The following SENP3 variants were observed in gnomAD, a reference collection of about 807,000 sequenced individuals.
The protein encoded by SENP3 is SUMO specific peptidase 3, also known as sentrin-specific protease 3.
In SENP3, 11 loss-of-function variants were observed where a neutral mutation model predicts 66.2. The observed-to-expected ratio is 0.17, with a 90% CI of 0.10 to 0.28. The LOEUF is 0.28. SENP3 is among the 10% of genes least tolerant of loss of function. The pLI is 1.00. For synonymous variants in SENP3, 292 were observed against 277.6 expected (o/e 1.05, Z -0.52); for missense variants, 548 against 743.7 (o/e 0.74, Z 3.06).
intron 4 of SENP3, 113 bp from the exon 5 acceptor site, chr17:7,565,327 C>A: frequency 7.6e-7 from 1 of 1,319,482 alleles, no homozygotes; most frequent in Admixed American, 2.0e-5. Flanking sequence ...AAGGACCCAT[C>A]ATGAGCCAGA....
rs1461998670 is a variant in SENP3, at chr17:7,563,269, G to T, written c.193G>T (p.Val65Phe). The change falls in exon 2 of 11, where the codon GTC becomes TTC. Residue 65 changes from valine to phenylalanine, a missense_variant. Coordinates refer to ENST00000321337, the MANE Select transcript of SENP3 (RefSeq NM_015670.6). ...CACAGTGCCAGCCAGACGCCTCCCT[G>T]TCCCCCGACCCTCTTTTGATGCCTC... is the stretch of plus-strand genomic sequence containing the variant. ...GTTVPARRLP[V>F]PRPSFDASAS... 1.3e-6 allele frequency: 2 copies of T among 1,554,606 alleles called. No homozygotes were observed. Among genetic ancestry groups the T allele is most frequent in the East Asian group, 2.4e-5 (1 of 41,124 alleles).
chr17:7,571,655 G>A lies in SENP3; in HGVS notation c.*172G>A. ...TTTTTTCTTTGAGAGAATACTTGTT[G>A]ATTTCTGATGTGCAGGGGGTGGCTA... On this transcript the variant is annotated 3_prime_UTR_variant, in exon 11 of 11. Transcript: ENST00000321337. 1 of 532,520 alleles carries A rather than the reference G, an allele frequency of 1.9e-6. No homozygotes were observed. The allele number at this position is 532,520 out of a possible 1,614,324, so 33.0% of individuals were successfully genotyped here.
rs1205788451 is a variant in SENP3 at position 7,563,332 on chromosome 17, G to A, written c.256G>A (p.Asp86Asn). 1.3e-6 allele frequency: 2 copies of A among 1,552,494 alleles called. No homozygotes were observed. The highest frequency in any genetic ancestry group is 1.7e-6 in the Non-Finnish European group (2 of 1,147,328). ...GGAGGAAGAAGAGGAGGAGGAGGAGGATGAAGATGAAGAGGAGGAAGTGGC... is the reference window on the plus strand; with the variant it reads ...GGAGGAAGAAGAGGAGGAGGAGGAGAATGAAGATGAAGAGGAGGAAGTGGC... ...EEEEEEEEEE[D>N]EDEEEEVAAW... is the part of the protein sequence containing the mutation. The change falls in exon 2 of 11, where the codon GAT (aspartate) becomes AAT (asparagine). Residue 86 changes from aspartate (D) to asparagine (N), a missense_variant. Physicochemically the swap from Asp to Asn is conservative, Grantham distance 23. This residue lies in a region of SENP3 where 164 missense variants were observed against 167.9 expected (regional missense o/e 0.98). Transcript: ENST00000321337.
At position 7,566,940 on chromosome 17, in the gene SENP3, A is replaced by C; in HGVS notation, c.1277A>C (p.Asn426Thr). Reference sequence around the variant, plus strand: ...TCATTGGCACAGGTGCATTTCTTCAATAGTTTCTTCTATGATAAACTCCGT... The same window carrying C: ...TCATTGGCACAGGTGCATTTCTTCACTAGTTTCTTCTATGATAAACTCCGT... ...DTVPEKVHFF[N>T]SFFYDKLRTK... The change falls in exon 7 of 11, where the codon AAT (asparagine) becomes ACT (threonine). Residue 426 changes from asparagine (N) to threonine (T), a missense_variant. Physicochemically the swap from Asn to Thr is moderately conservative, Grantham distance 65 (BLOSUM62 0). Transcript: ENST00000321337. 1 of 1,564,210 alleles carries C rather than the reference A, an allele frequency of 6.4e-7. No homozygotes were observed. Among genetic ancestry groups the C allele is most frequent in the Non-Finnish European group, 8.7e-7 (1 of 1,152,676 alleles).
chr17:7,565,242 C>T (rs2071258558), intron 4 of SENP3, 172 bp downstream of exon 4: 1 of 802,002 alleles, frequency 1.2e-6, no homozygotes, highest in Non-Finnish European at 2.0e-6. Context: ...AGAGTCTTTA[C>T]CTGGGACCCT....
intron 5 of SENP3, 59 bp from the exon 6 acceptor site, chr17:7,565,658 G>A: frequency 6.2e-7 from 1 of 1,613,222 alleles, no homozygotes; most frequent in East Asian, 2.2e-5. Context: ...CTCTGCATGG[G>A]GGAGCCCTGT....
rs2150920176 is a variant in SENP3, at chr17:7,566,953, T to C, written c.1290T>C (p.Tyr430=). The change falls in exon 7 of 11, where the codon TAT becomes TAC. Residue 430 remains tyrosine (Y), a synonymous_variant. Coordinates refer to ENST00000321337, the MANE Select transcript of SENP3 (RefSeq NM_015670.6). ...TGCATTTCTTCAATAGTTTCTTCTA[T>C]GATAAACTCCGTACCAAGGGTTATG... ...EKVHFFNSFF[Y]DKLRTKGYDG... The C allele has an allele frequency of 1.9e-6, 3 of 1,568,358 alleles. No homozygotes were observed. The highest frequency in any genetic ancestry group is 8.7e-7 in the Non-Finnish European group (1 of 1,154,986).
At chr17:7,564,475 C>T (rs1409768893) in intron 2 of SENP3, 150 bp from the exon 3 acceptor site, 6 of 1,135,530 alleles carry the variant, frequency 5.3e-6, no homozygotes, top group South Asian at 1.3e-5. Context: ...ATGGGGTCCC[C>T]ATTTCTTGGA....
Position 7,570,990 on chromosome 17 carries a change from C to T in SENP3, c.1614+57C>T, listed in dbSNP as rs1192574457. 1.9e-5 allele frequency: 29 copies of T among 1,508,462 alleles called. No individual in the cohort carries two copies. Among genetic ancestry groups the T allele is most frequent in the African/African-American group, 2.8e-5 (2 of 72,714 alleles). 93.4% of individuals were successfully genotyped at this position (1,508,462 alleles called of 1,614,324 possible). ...TCTGAAGTCAGTTGGGTTAAAGGGTCGGGAGGCTGTTATGCATCCCCTCAT... is the reference window on the plus strand; with the variant it reads ...TCTGAAGTCAGTTGGGTTAAAGGGTTGGGAGGCTGTTATGCATCCCCTCAT... On this transcript the variant is annotated intron_variant, in intron 10 of 10. Transcript: ENST00000321337. This position sits in a 1 kb window ranked among gnomAD's most constrained non-coding sequence, Gnocchi z 5.4.
chr17:7,571,615 T>C lies in SENP3; in HGVS notation c.*132T>C, dbSNP rs1025385316. ...CTTTGGTTTTTCATATTTAAATGTT[T>C]CAATTTCTGTATTTTTTTTTCTTTG... On this transcript the variant is annotated 3_prime_UTR_variant, in exon 11 of 11. Coordinates refer to ENST00000321337, the MANE Select transcript of SENP3 (RefSeq NM_015670.6). 33 of 609,254 alleles carry C rather than the reference T, an allele frequency of 5.4e-5. No individual in the cohort carries two copies. In the Admixed American group the frequency reaches 9.1e-4, roughly 17 times the overall value. The allele number at this position is 609,254 out of a possible 1,614,324, so 37.7% of individuals were successfully genotyped here.
At position 7,566,963 on chromosome 17, in the gene SENP3, C is replaced by T. The variant is rs1173241047; in HGVS notation, c.1300C>T (p.Arg434Cys). 6.4e-7 allele frequency: 1 copy of T among 1,569,530 alleles called. No homozygotes were observed. Among genetic ancestry groups the T allele is most frequent in the Non-Finnish European group, 8.7e-7 (1 of 1,155,796 alleles). The change falls in exon 7 of 11, where the codon CGT becomes TGT. Residue 434 changes from arginine to cysteine, a missense_variant. By Grantham distance (180) the Arg-to-Cys change is radical (BLOSUM62 -3). Transcript: ENST00000321337. ...CAATAGTTTCTTCTATGATAAACTC[C>T]GTACCAAGGGTTATGATGGGGTGAA... Reference protein sequence around the residue: ...FFNSFFYDKLRTKGYDGVKRW... With the variant: ...FFNSFFYDKLCTKGYDGVKRW...
chr17:7,570,222 C>A lies in SENP3; in HGVS notation c.1342-134C>A. On this transcript the variant is annotated intron_variant, in intron 7 of 10. Transcript: ENST00000321337. This position sits in a 1 kb window ranked among gnomAD's most constrained non-coding sequence, Gnocchi z 5.4. ...CGAAACATGCAGATCCTGAGCTTGC[C>A]CACAATCTAGGCCTTGGGTCTTCTG... 8.9e-7 allele frequency: 1 copy of A among 1,128,224 alleles called. No individual in the cohort carries two copies. Among genetic ancestry groups the A allele is most frequent in the Non-Finnish European group, 1.3e-6 (1 of 789,230 alleles). The allele number at this position is 1,128,224 out of a possible 1,614,324, so 69.9% of individuals were successfully genotyped here.
chr17:7,565,851 C>A, intron 6 of SENP3, 87 bp downstream of exon 6: 2 of 1,158,354 alleles, frequency 1.7e-6, no homozygotes, highest in Non-Finnish European at 2.6e-6. Flanking sequence ...TTTCATTTTA[C>A]ACAGAGAGGG....
rs1395980260 is a variant in SENP3 at position 7,570,036 on chromosome 17, G to A, written c.1342-320G>A. Among the ~76,000 whole-genome samples the A allele has an allele frequency of 1.3e-5, 2 of 152,294 alleles. No individual in the cohort carries two copies. The highest frequency in any genetic ancestry group is 4.8e-5 in the African/African-American group (2 of 41,550). On this transcript the variant is annotated intron_variant, in intron 7 of 10. Transcript: ENST00000321337. The surrounding 1 kb of genome is among the most constrained non-coding windows in gnomAD (Gnocchi z 5.4). ...TCATAAGCCAGTAAATGGAGGAGCT[G>A]TATTTGAATTCTGGCAGGCTCCAGA...
In SENP3 at chr17:7,562,403, G is replaced by A; in HGVS notation, c.-12+140G>A. 2.5e-6 allele frequency: 1 copy of A among 395,910 alleles called. No individual in the cohort carries two copies. Among genetic ancestry groups the A allele is most frequent in the Non-Finnish European group, 4.4e-6 (1 of 224,800 alleles). The allele number at this position is 395,910 out of a possible 1,614,324, so 24.5% of individuals were successfully genotyped here. Reference sequence around the variant, plus strand: ...TGCGCCGAGCCATCCAAGCTCGTGGGACCGGACTGGTGCCGGGTTGCATTC... The same window carrying A: ...TGCGCCGAGCCATCCAAGCTCGTGGAACCGGACTGGTGCCGGGTTGCATTC... On this transcript the variant is annotated intron_variant, in intron 1 of 10. Transcript: ENST00000321337. The surrounding 1 kb of genome is among the most constrained non-coding windows in gnomAD (Gnocchi z 5.0).
Position 7,563,399 on chromosome 17 carries a change from C to G in SENP3, c.323C>G (p.Ser108Cys), listed in dbSNP as rs1256800983. The change falls in exon 2 of 11, where the codon TCC becomes TGC. Residue 108 changes from serine (S) to cysteine (C), a missense_variant. Ser to Cys is a moderately radical substitution (Grantham distance 112, BLOSUM62 -1). This residue lies in a region of SENP3 where 164 missense variants were observed against 167.9 expected (regional missense o/e 0.98). Transcript: ENST00000321337. ...LPPRWSQLGT[S>C]QRPRPSRPTH... ...CCAAGATGGAGTCAGCTGGGAACCT[C>G]CCAGCGGCCCCGCCCTTCCCGCCCC... 4 of 1,550,962 alleles carry G rather than the reference C, an allele frequency of 2.6e-6. No homozygotes were observed. In the East Asian group the frequency reaches 9.8e-5, roughly 38 times the overall value.
At chr17:7,567,300 T>C (rs2071276354) in intron 7 of SENP3, among the ~76,000 whole-genome samples, 1 of 152,162 alleles carries the variant, frequency 6.6e-6, no homozygotes, top group Non-Finnish European at 1.5e-5. Context: ...GCGGATCACC[T>C]GAGGTCAGGA....
At chr17:7,565,650 C>T (rs764482062) in intron 5 of SENP3, 63 bp downstream of exon 5, 211 of 1,613,126 alleles carry the variant, frequency 1.3e-4, no homozygotes, top group Non-Finnish European at 1.8e-4. Context: ...CTGGGGCCCT[C>T]TGCATGGGGG....
chr17:7,566,760 A>C (rs917744466), intron 6 of SENP3, among the ~76,000 whole-genome samples, 167 bp from the exon 7 acceptor site: 7 of 151,940 alleles, frequency 4.6e-5, no homozygotes, highest in Non-Finnish European at 8.8e-5. Flanking sequence ...GATTGAGGCC[A>C]GGAGTTTGAG....
Sources: allele counts gnomAD v4.1 joint callset (sites outside exome capture counted in the v4.1 genomes callset), GRCh38; gene constraint gnomAD v4.1.1; regional missense constraint gnomAD v4.1.1; non-coding constraint Gnocchi (gnomAD v3.1); transcripts MANE v1.5; gene names NCBI Gene and HGNC (gene_info 2026-07-23, HGNC 2026-07-21).